The following ERAP1 variants were observed in gnomAD, a reference collection of about 807,000 sequenced individuals.
The protein encoded by ERAP1 is endoplasmic reticulum aminopeptidase 1.
A neutral mutation model predicts 103.7 loss-of-function variants in ERAP1; 86 were observed. The ratio of observed to expected loss-of-function variants is 0.83; its 90% CI spans 0.70 to 0.99. ERAP1 has a LOEUF of 0.99. Ranked by LOEUF, ERAP1 falls within the 50% of genes least tolerant of loss-of-function variation. ERAP1 has a pLI of 0.00. For synonymous variants in ERAP1, 398 were observed against 402.4 expected, an observed-to-expected ratio of 0.99 and a Z score of 0.13; for missense variants, 1,009 against 1,128.4, an observed-to-expected ratio of 0.89 and a Z score of 1.52.
the ERAP1 span, chr5:96,918,959 A>G: frequency 1.3e-5 from 2 of 152,208 alleles, no homozygotes; most frequent in Admixed American, 1.3e-4. Context: ...TTATTTGAAT[A>G]AGGTAGTTTG....
At chr5:96,866,263 C>T in the ERAP1 span, among the ~76,000 whole-genome samples, 1 of 152,298 alleles carries the variant, frequency 6.6e-6, no homozygotes, top group East Asian at 1.9e-4. Context: ...TCAACATAAT[C>T]TAAACTCTGC....
intron 3 of ERAP1, among the ~76,000 whole-genome samples, chr5:96,797,771 A>G (rs1056114383): frequency 6.6e-6 from 1 of 152,232 alleles, no homozygotes; most frequent in African/African-American, 2.4e-5. Flanking sequence ...TTGAGATATA[A>G]TTCATATACC....
the ERAP1 span, among the ~76,000 whole-genome samples, chr5:96,897,298 A>G: frequency 6.6e-6 from 1 of 152,278 alleles, no homozygotes; most frequent in East Asian, 1.9e-4. Flanking sequence ...TTGTGCCTAT[A>G]TTTCTAGTGC....
At chr5:96,856,365 T>TATATAGAGAGAGAG in the ERAP1 span, among the ~76,000 whole-genome samples, 11 of 20,370 alleles carry the variant, frequency 5.4e-4, no homozygotes, top group African/African-American at 1.5e-3. Context: ...TATATATATA[T>TATATAGAGAGAGAG]AGAGAGAGAG....
chr5:96,839,374 G>T, the ERAP1 span, among the ~76,000 whole-genome samples: 1 of 151,966 alleles, frequency 6.6e-6, no homozygotes, highest in Non-Finnish European at 1.5e-5. Context: ...TCACATGGTT[G>T]GTCTTTCTGG....
the ERAP1 span, among the ~76,000 whole-genome samples, chr5:96,838,853 A>G: frequency 6.6e-6 from 1 of 152,092 alleles, no homozygotes; most frequent in South Asian, 2.1e-4. Flanking sequence ...TGCAATTCTG[A>G]TGTGAACTAC....
Position 96,781,095 on chromosome 5 carries a change from G to T in ERAP1, c.2551C>A (p.Gln851Lys), listed in dbSNP as rs140865304. Residue 851 changes from glutamine (Q) to lysine (K), a missense_variant, in exon 17 of 19, where the codon CAA becomes AAA. Gln to Lys is a moderately conservative substitution (Grantham distance 53). Transcript: ENST00000443439. The stretch of plus-strand genomic sequence containing the variant: ...TTGTTCCAGTTTTTCCTCAGAAATT[G>T]CCAGGCCAGTGGGTATCCTACTGGG... ...RNPVGYPLAW[Q>K]FLRKNWNKLV... is the part of the protein sequence containing the mutation. 3.9e-5 allele frequency: 63 copies of T among 1,613,618 alleles called. No individual in the cohort carries two copies. In the African/African-American group the frequency reaches 8.3e-4, roughly 21 times the overall value.
At chr5:96,869,121 T>G in the ERAP1 span, among the ~76,000 whole-genome samples, 1 of 151,370 alleles carries the variant, frequency 6.6e-6, no homozygotes, top group Non-Finnish European at 1.5e-5. Context: ...ACTTGTTGGT[T>G]GGCTACTAGA....
the ERAP1 span, among the ~76,000 whole-genome samples, chr5:96,816,004 AT>A: frequency 6.6e-6 from 1 of 152,192 alleles, no homozygotes; most frequent in Non-Finnish European, 1.5e-5. Context: ...ATTTAGGGGA[AT>A]AAAAAATTAT....
chr5:96,924,362 T>G, the ERAP1 span, among the ~76,000 whole-genome samples: 1 of 152,198 alleles, frequency 6.6e-6, no homozygotes, highest in Admixed American at 6.5e-5. Flanking sequence ...CTGAATCAGC[T>G]GAGAGTCAGC....
rs1778831939 is a variant in ERAP1, at chr5:96,807,851, G to T, written c.-18+9C>A. ...GCAGTCCCCTACCCGCGGCTCGAGC[G>T]CGCTGTACCTGGGGTTCTGGGGCCG... On this transcript the variant is annotated intron_variant, in intron 1 of 18. Coordinates refer to ENST00000443439, the MANE Select transcript of ERAP1 (RefSeq NM_001040458.3). The T allele has an allele frequency of 1.0e-6, 1 of 985,754 alleles. No individual in the cohort carries two copies. Among genetic ancestry groups the T allele is most frequent in the Admixed American group, 6.1e-5 (1 of 16,276 alleles). The allele number at this position is 985,754 out of a possible 1,614,324, so 61.1% of individuals were successfully genotyped here. A position where few individuals can be genotyped will look rare whatever the true frequency, so the allele number is the denominator to read the frequency against.
At chr5:96,815,283 C>T in the ERAP1 span, among the ~76,000 whole-genome samples, 1 of 152,002 alleles carries the variant, frequency 6.6e-6, no homozygotes, top group African/African-American at 2.4e-5. Context: ...TCTGACTGTT[C>T]CCATTCTAAA....
chr5:96,807,498 G>A (rs146600739), intron 1 of ERAP1, among the ~76,000 whole-genome samples: 3,147 of 152,272 alleles, frequency 0.021, 53 homozygotes, highest in Non-Finnish European at 0.036. Context: ...AGCGCTGAGG[G>A]AGGCTCCCGC....
At chr5:96,890,915 T>C in the ERAP1 span, among the ~76,000 whole-genome samples, 1 of 152,128 alleles carries the variant, frequency 6.6e-6, no homozygotes, top group Non-Finnish European at 1.5e-5. Context: ...TCTTGAAAAA[T>C]GCAGTCTTAA....
the ERAP1 span, among the ~76,000 whole-genome samples, chr5:96,931,157 CTT>C: frequency 1.1e-4 from 15 of 142,842 alleles, no homozygotes; most frequent in African/African-American, 2.8e-4. Flanking sequence ...TCTGGGAAAT[CTT>C]TTTTTTTTTT....
At chr5:96,766,078 A>C (rs145348468) in intron 19 of ERAP1, 26 of 1,607,894 alleles carry the variant, frequency 1.6e-5, no homozygotes, top group Non-Finnish European at 2.2e-5. Context: ...GAACATAGAG[A>C]CAAGCTTGGA....
chr5:96,907,966 G>A, the ERAP1 span, among the ~76,000 whole-genome samples: 5 of 151,828 alleles, frequency 3.3e-5, no homozygotes, highest in East Asian at 9.6e-4. Context: ...TGAAATTTTT[G>A]AAAAAAATTT....
the ERAP1 span, among the ~76,000 whole-genome samples, chr5:96,830,514 TG>T: frequency 6.6e-6 from 1 of 152,190 alleles, no homozygotes; most frequent in African/African-American, 2.4e-5. Flanking sequence ...AATATTCATA[TG>T]ATTGGACACT....
chr5:96,799,738 G>A (rs529691514), intron 3 of ERAP1, among the ~76,000 whole-genome samples: 4 of 152,298 alleles, frequency 2.6e-5, no homozygotes, highest in Admixed American at 2.0e-4. Flanking sequence ...AGCACATCCT[G>A]TATATTAAAT....
Sources: gnomAD v4.1 joint callset for allele counts (sites outside exome capture counted in the v4.1 genomes callset) on GRCh38, gnomAD v4.1.1 for gene constraint, MANE v1.5 for transcripts, NCBI Gene and HGNC (gene_info 2026-07-23, HGNC 2026-07-21) for gene names.